The following ATF6 variants were observed in gnomAD, a reference collection of about 807,000 sequenced individuals.
The protein encoded by ATF6 is cyclic AMP-dependent transcription factor ATF-6 alpha.
In ATF6, 53 loss-of-function variants were observed where a neutral mutation model predicts 83.6. That is an observed-to-expected ratio of 0.63 (90% confidence interval 0.51 to 0.80). The LOEUF is 0.80. Among genes scored for constraint, ATF6 ranks in the 30% least tolerant of loss-of-function variants. ATF6 has a pLI of 0.00. For missense variants in ATF6, 744 were observed against 797.9 expected, an observed-to-expected ratio of 0.93 and a Z score of 0.81; for synonymous variants, 288 against 285.8, an observed-to-expected ratio of 1.01 and a Z score of -0.08.
intron 14 of ATF6, among the ~76,000 whole-genome samples, chr1:161,887,472 T>A (rs1205858663): frequency 1.3e-5 from 2 of 152,156 alleles, no homozygotes; most frequent in Non-Finnish European, 2.9e-5. Context: ...AACCTGGAGA[T>A]GAAGAACTTT....
At chr1:161,947,370 G>A (rs577225100) in intron 15 of ATF6, among the ~76,000 whole-genome samples, 1 of 152,296 alleles carries the variant, frequency 6.6e-6, no homozygotes, top group East Asian at 1.9e-4. Flanking sequence ...AGATGTCGAG[G>A]GTAATCAGAT....
intron 12 of ATF6, among the ~76,000 whole-genome samples, chr1:161,855,634 A>G (rs904521606): frequency 5.3e-5 from 8 of 152,196 alleles, no homozygotes; most frequent in African/African-American, 1.9e-4. Context: ...CCAACATTAC[A>G]GGTTGAAAGA....
chr1:161,780,132 CT>C (rs201367744), intron 2 of ATF6, among the ~76,000 whole-genome samples: 1,521 of 151,998 alleles, frequency 0.01, 38 homozygotes, highest in African/African-American at 0.035. Context: ...GATTTAAATA[CT>C]TTTTTTTCAT....
chr1:161,794,806 G>A (rs1684974349), intron 6 of ATF6, among the ~76,000 whole-genome samples: 1 of 152,128 alleles, frequency 6.6e-6, no homozygotes, highest in Admixed American at 6.6e-5. Flanking sequence ...ACTGTTTTGA[G>A]TAGTGTAGAT....
intron 10 of ATF6, among the ~76,000 whole-genome samples, chr1:161,851,275 C>A (rs1233930328): frequency 1.3e-5 from 2 of 148,830 alleles, no homozygotes; most frequent in Non-Finnish European, 3.0e-5. Context: ...CACACACACA[C>A]CCCTACCTGT....
chr1:161,860,823 A>G (rs1359947056), intron 13 of ATF6, among the ~76,000 whole-genome samples: 1 of 152,136 alleles, frequency 6.6e-6, no homozygotes, highest in East Asian at 1.9e-4. Context: ...TGCATTTTTC[A>G]CTACACAATA....
chr1:161,796,292 C>G (rs1242090560), intron 6 of ATF6, among the ~76,000 whole-genome samples: 3 of 152,192 alleles, frequency 2.0e-5, no homozygotes, highest in African/African-American at 7.2e-5. Context: ...TACACCTCTT[C>G]TGTTCTTTAA....
chr1:161,810,318 A>G (rs1316427935), intron 7 of ATF6, among the ~76,000 whole-genome samples: 2 of 152,188 alleles, frequency 1.3e-5, no homozygotes, highest in East Asian at 1.9e-4. Context: ...ACATGGCTAG[A>G]GCAGGAGAAA....
chr1:161,920,131 AT>A (rs1460620780), intron 15 of ATF6, among the ~76,000 whole-genome samples: 1 of 151,496 alleles, frequency 6.6e-6, no homozygotes, highest in Non-Finnish European at 1.5e-5. Flanking sequence ...CAGGTTGTCT[AT>A]TTTTTTTAAA....
At chr1:161,912,205 G>A (rs888143476) in intron 14 of ATF6, 91 bp from the exon 15 acceptor site, 64 of 704,126 alleles carry the variant, frequency 9.1e-5, no homozygotes, top group Middle Eastern at 2.5e-4. Context: ...TCATCCCAAC[G>A]AAATATTGAC....
At chr1:161,791,085 TC>T (rs1684866366) in intron 4 of ATF6, among the ~76,000 whole-genome samples, 2 of 79,870 alleles carry the variant, frequency 2.5e-5, no homozygotes, top group East Asian at 9.8e-4. Flanking sequence ...TGTGTGTGTC[TC>T]TGTGTGTGTG....
At chr1:161,776,709 G>A (rs1684522588) in intron 1 of ATF6, among the ~76,000 whole-genome samples, 1 of 152,186 alleles carries the variant, frequency 6.6e-6, no homozygotes, top group Non-Finnish European at 1.5e-5. Flanking sequence ...GGGTTGATGA[G>A]GAGCTCATTT....
chr1:161,957,435 G>C (rs1325580645), intron 15 of ATF6, among the ~76,000 whole-genome samples: 1 of 152,072 alleles, frequency 6.6e-6, no homozygotes, highest in East Asian at 1.9e-4. Context: ...CTGTATTGCT[G>C]TGATTGTTCA....
At chr1:161,864,042 T>C (rs538806223) in intron 14 of ATF6, among the ~76,000 whole-genome samples, 2 of 152,186 alleles carry the variant, frequency 1.3e-5, no homozygotes, top group Non-Finnish European at 2.9e-5. Context: ...AATTCCTCAG[T>C]GGTGGTTTCT....
chr1:161,849,998 T>C (rs1363558852), intron 10 of ATF6, among the ~76,000 whole-genome samples: 2 of 152,190 alleles, frequency 1.3e-5, no homozygotes, highest in East Asian at 1.9e-4. Context: ...TTGTCTTGAA[T>C]TGGTCCACTC....
At chr1:161,906,557 A>G (rs1239000757) in intron 14 of ATF6, among the ~76,000 whole-genome samples, 1 of 152,194 alleles carries the variant, frequency 6.6e-6, no homozygotes, top group African/African-American at 2.4e-5. Context: ...TTTGACATGA[A>G]AAGTATATCT....
chr1:161,893,992 C>G (rs187451129), intron 14 of ATF6, among the ~76,000 whole-genome samples: 57 of 152,230 alleles, frequency 3.7e-4, no homozygotes, highest in African/African-American at 1.3e-3. Flanking sequence ...TTTTCCAACT[C>G]TGTATCAAAT....
intron 12 of ATF6, among the ~76,000 whole-genome samples, chr1:161,858,380 A>C (rs1346738595): frequency 3.9e-5 from 6 of 152,168 alleles, no homozygotes; most frequent in African/African-American, 1.4e-4. Context: ...GTTTATAAGA[A>C]ATAACACTTT....
chr1:161,867,327 TAGGG>T, intron 14 of ATF6, among the ~76,000 whole-genome samples: 1 of 152,088 alleles, frequency 6.6e-6, no homozygotes, highest in East Asian at 1.9e-4. Context: ...ATAGTCTATT[TAGGG>T]AGGGAGGGAG....
Sources: gnomAD v4.1 joint callset for allele counts (sites outside exome capture counted in the v4.1 genomes callset) on GRCh38, gnomAD v4.1.1 for gene constraint, MANE v1.5 for transcripts, NCBI Gene and HGNC (gene_info 2026-07-23, HGNC 2026-07-21) for gene names.